Variants in WWOX observed in about 807,000 individuals in gnomAD.
The protein encoded by WWOX is WW domain containing oxidoreductase.
A neutral mutation model predicts 46.2 loss-of-function variants in WWOX; 69 were observed. The ratio of observed to expected loss-of-function variants is 1.49; its 90% CI spans 1.23 to 1.82. WWOX has a LOEUF of 1.82. Ranked by LOEUF, WWOX falls within the 40% of genes most tolerant of loss-of-function variation. WWOX has a pLI of 0.00. For missense variants in WWOX, 919 were observed against 542.6 expected (o/e 1.69, Z -6.89); for synonymous variants, 359 against 202.6 (o/e 1.77, Z -6.56).
intron 8 of WWOX, among the ~76,000 whole-genome samples, chr16:78,771,526 C>A (rs570141715): frequency 6.6e-6 from 1 of 152,102 alleles, no homozygotes; most frequent in Non-Finnish European, 1.5e-5. Context: ...AATCCCAGCA[C>A]TTTGGGAGGC....
At chr16:78,383,192 G>C (rs774312275) in intron 5 of WWOX, among the ~76,000 whole-genome samples, 1 of 151,924 alleles carries the variant, frequency 6.6e-6, no homozygotes, top group Non-Finnish European at 1.5e-5. Context: ...TTTGGGTAGG[G>C]ACACAGAGCC....
intron 8 of WWOX, among the ~76,000 whole-genome samples, chr16:79,040,337 C>T (rs373807216): frequency 6.1e-5 from 9 of 146,582 alleles, no homozygotes; most frequent in Admixed American, 2.1e-4. Flanking sequence ...TGCGGTGGTG[C>T]GATCTCAGCT....
intron 8 of WWOX, among the ~76,000 whole-genome samples, chr16:78,699,690 C>T (rs911729758): frequency 4.6e-5 from 7 of 152,232 alleles, no homozygotes; most frequent in Non-Finnish European, 8.8e-5. Flanking sequence ...CTTCTGCCCG[C>T]TGATATCTAC....
At chr16:78,465,431 C>T (rs564295314) in intron 8 of WWOX, among the ~76,000 whole-genome samples, 44 of 152,318 alleles carry the variant, frequency 2.9e-4, no homozygotes, top group African/African-American at 2.9e-4. Flanking sequence ...CCGCCTGCAT[C>T]GGCCTCCCGA....
intron 8 of WWOX, among the ~76,000 whole-genome samples, chr16:79,156,307 C>T (rs145500773): frequency 6.6e-5 from 10 of 152,144 alleles, no homozygotes; most frequent in African/African-American, 1.9e-4. Context: ...GACCCAGGTG[C>T]GCACCAACAC....
At position 78,374,587 on chromosome 16, in the gene WWOX, C is replaced by T. The variant is rs568848654; in HGVS notation, c.517-12273C>T. ...TTTTTAAGGCAGAGTTTCTGTCTGT[C>T]GCCCAGGCTGGAGTGCAGTGGCGCG... On this transcript the variant is annotated intron_variant, in intron 5 of 8. Transcript: ENST00000566780. Among the ~76,000 whole-genome samples the T allele has an allele frequency of 3.3e-3, 411 of 122,854 alleles. 1 individual carries two copies. The highest frequency in any genetic ancestry group is 0.012 in the African/African-American group (378 of 32,220). The allele number at this position is 122,854 out of a possible 152,430, so 80.6% of individuals were successfully genotyped here.
intron 5 of WWOX, among the ~76,000 whole-genome samples, chr16:78,186,858 C>T (rs2035724228): frequency 6.6e-6 from 1 of 152,184 alleles, no homozygotes; most frequent in Non-Finnish European, 1.5e-5. Flanking sequence ...CACAAGGGTT[C>T]TGGGTACCCT....
At chr16:78,730,878 G>C (rs916430994) in intron 8 of WWOX, among the ~76,000 whole-genome samples, 9 of 152,052 alleles carry the variant, frequency 5.9e-5, no homozygotes, top group African/African-American at 2.2e-4. Context: ...CAACTTAGCA[G>C]CCACAGGAGA....
At chr16:78,773,163 T>C (rs949703533) in intron 8 of WWOX, among the ~76,000 whole-genome samples, 1 of 152,206 alleles carries the variant, frequency 6.6e-6, no homozygotes, top group African/African-American at 2.4e-5. Flanking sequence ...TTTGTCGGTA[T>C]CCTAAGCCGC....
intron 8 of WWOX, among the ~76,000 whole-genome samples, chr16:79,029,319 A>G (rs939322589): frequency 6.6e-6 from 1 of 152,216 alleles, no homozygotes; most frequent in Non-Finnish European, 1.5e-5. Context: ...GAAGAGACGC[A>G]CATCAGCCAT....
chr16:78,613,469 C>T (rs967926935), intron 8 of WWOX, among the ~76,000 whole-genome samples: 2 of 152,144 alleles, frequency 1.3e-5, no homozygotes, highest in Admixed American at 6.5e-5. Flanking sequence ...CTGGCAGAAT[C>T]GCTGTCCTGC....
At chr16:78,851,149 C>G (rs2151180508) in intron 8 of WWOX, among the ~76,000 whole-genome samples, 1 of 152,256 alleles carries the variant, frequency 6.6e-6, no homozygotes, top group Non-Finnish European at 1.5e-5. Context: ...GGCTTTCACC[C>G]TCAAACTTGC....
chr16:78,760,465 G>T (rs1156885965), intron 8 of WWOX, among the ~76,000 whole-genome samples: 1 of 152,170 alleles, frequency 6.6e-6, no homozygotes, highest in Non-Finnish European at 1.5e-5. Context: ...CATACTCACA[G>T]GTGGGATTAG....
chr16:79,066,308 G>A (rs960665676), intron 8 of WWOX, among the ~76,000 whole-genome samples: 8 of 152,136 alleles, frequency 5.3e-5, no homozygotes, highest in Admixed American at 5.2e-4. Flanking sequence ...CTGAGCACAG[G>A]CAGTACCTGC....
intron 8 of WWOX, among the ~76,000 whole-genome samples, chr16:79,011,272 C>G (rs1365867348): frequency 6.6e-6 from 1 of 151,276 alleles, no homozygotes; most frequent in African/African-American, 2.4e-5. Flanking sequence ...TTCTATGCAA[C>G]CATTTCACAT....
intron 8 of WWOX, among the ~76,000 whole-genome samples, chr16:79,083,538 A>G (rs2150585803): frequency 6.6e-6 from 1 of 152,134 alleles, no homozygotes; most frequent in Non-Finnish European, 1.5e-5. Context: ...TTCTCACAAA[A>G]CCTCACACCA....
At chr16:78,756,038 C>G (rs981445296) in intron 8 of WWOX, among the ~76,000 whole-genome samples, 3 of 152,238 alleles carry the variant, frequency 2.0e-5, no homozygotes, top group Admixed American at 2.0e-4. Flanking sequence ...TGTATGAACT[C>G]TGAGGCATGA....
At chr16:78,263,996 C>CTTGTTTTTTT in intron 5 of WWOX, among the ~76,000 whole-genome samples, 1 of 78,816 alleles carries the variant, frequency 1.3e-5, no homozygotes, top group South Asian at 5.5e-4. Context: ...GCTGTGAAAT[C>CTTGTTTTTTT]TTTTTTTTTT....
At chr16:78,728,464 A>G (rs2048888750) in intron 8 of WWOX, among the ~76,000 whole-genome samples, 1 of 152,200 alleles carries the variant, frequency 6.6e-6, no homozygotes, top group African/African-American at 2.4e-5. Context: ...TTGGTTCCCT[A>G]GAAGACAGCC....
Sources: allele counts gnomAD v4.1 joint callset (sites outside exome capture counted in the v4.1 genomes callset), GRCh38; gene constraint gnomAD v4.1.1; transcripts MANE v1.5; gene names NCBI Gene and HGNC (gene_info 2026-07-23, HGNC 2026-07-21).